Variants in STIM1 observed in about 807,000 individuals in gnomAD.
STIM1 encodes stromal interaction molecule 1.
In STIM1, 25 loss-of-function variants were observed where a neutral mutation model predicts 74.7. The observed-to-expected ratio is 0.33, with a 90% confidence interval of 0.24 to 0.47. The LOEUF is 0.47. STIM1 is among the 20% of genes least tolerant of loss of function. The pLI, the probability that STIM1 is intolerant of heterozygous loss-of-function variation, is 1.00. For synonymous variants in STIM1, 328 were observed against 348.8 expected (o/e 0.94, Z 0.66); for missense variants, 728 against 920.8 (o/e 0.79, Z 2.71).
chr11:3,953,282 G>A (rs2093170527), intron 1 of STIM1, among the ~76,000 whole-genome samples: 1 of 152,198 alleles, frequency 6.6e-6, no homozygotes, highest in East Asian at 1.9e-4. Flanking sequence ...GTTTCAGGAG[G>A]TTGAACACTA....
intron 2 of STIM1, among the ~76,000 whole-genome samples, chr11:4,014,255 G>T (rs932980205): frequency 1.3e-5 from 2 of 152,088 alleles, no homozygotes; most frequent in African/African-American, 2.4e-5. Flanking sequence ...TTGTGTCTTT[G>T]TTCTCATTGG....
intron 5 of STIM1, among the ~76,000 whole-genome samples, chr11:4,068,850 T>C (rs573263323): frequency 6.6e-6 from 1 of 152,354 alleles, no homozygotes; most frequent in South Asian, 2.1e-4. Context: ...TGGTTTCTTT[T>C]TCTGGTGTCT....
rs564168076 is a variant in STIM1, at chr11:4,017,500, A to G, written c.271-6373A>G. On this transcript the variant is annotated intron_variant, in intron 2 of 12. Transcript: ENST00000526596. ...TACCTCGGTGATCAGACTTGACTATAAAAATGAGTCTATTTCTTGTTGATT... is the reference window on the plus strand; with the variant it reads ...TACCTCGGTGATCAGACTTGACTATGAAAATGAGTCTATTTCTTGTTGATT... 2.3e-3 allele frequency among the ~76,000 whole-genome samples: 356 copies of G among 152,262 alleles called. 2 individuals are homozygous for G. The highest frequency in any genetic ancestry group is 8.4e-3 in the African/African-American group (349 of 41,542).
chr11:3,892,483 G>T, intron 1 of STIM1: 1 of 1,525,124 alleles, frequency 6.6e-7, no homozygotes, highest in Non-Finnish European at 9.1e-7. Flanking sequence ...CAATATTCAT[G>T]CCTTCTTTCG....
At chr11:4,052,351 C>T (rs1376208443) in intron 3 of STIM1, among the ~76,000 whole-genome samples, 1 of 152,166 alleles carries the variant, frequency 6.6e-6, no homozygotes, top group Non-Finnish European at 1.5e-5. Flanking sequence ...TACAAGGCTA[C>T]AGTAACCAAA....
chr11:3,979,958 C>A (rs761572231), intron 2 of STIM1, among the ~76,000 whole-genome samples: 2 of 152,128 alleles, frequency 1.3e-5, no homozygotes, highest in Non-Finnish European at 2.9e-5. Flanking sequence ...TTTATATGAA[C>A]CTTCCCTGAC....
intron 1 of STIM1, among the ~76,000 whole-genome samples, chr11:3,944,166 C>G (rs1434482747): frequency 6.6e-6 from 1 of 152,230 alleles, no homozygotes; most frequent in East Asian, 1.9e-4. Flanking sequence ...GGGCCTTAGG[C>G]TGGGGCCAAA....
intron 3 of STIM1, among the ~76,000 whole-genome samples, chr11:4,048,826 C>T (rs975391394): frequency 6.6e-6 from 1 of 151,962 alleles, no homozygotes; most frequent in Non-Finnish European, 1.5e-5. Flanking sequence ...CTCCACCTCC[C>T]GAGTTCAAGC....
chr11:4,074,564 A>T lies in STIM1; in HGVS notation c.854A>T (p.Lys285Met), dbSNP rs781644310. The change falls in exon 7 of 13, where the codon AAG becomes ATG. Residue 285 changes from lysine (K) to methionine (M), a missense_variant. Lys to Met is a moderately conservative substitution (Grantham distance 95). Around this residue, in one of 5 missense-constraint regions of STIM1, gnomAD observed 131 missense variants for 235.9 expected, o/e 0.56. Coordinates refer to ENST00000526596, the MANE Select transcript of STIM1 (RefSeq NM_001382567.1). ...VEVEKVHLEK[K>M]LRDEINLAKQ... Reference sequence around the variant, plus strand: ...GTGGAGAAGGTCCATCTGGAAAAGAAGCTGCGCGATGAGATCAACCTTGCT... The same window carrying T: ...GTGGAGAAGGTCCATCTGGAAAAGATGCTGCGCGATGAGATCAACCTTGCT... The T allele has an allele frequency of 6.2e-7, 1 of 1,614,038 alleles. No individual in the cohort carries two copies. Among genetic ancestry groups the T allele is most frequent in the Admixed American group, 1.7e-5 (1 of 60,002 alleles).
chr11:4,052,042 C>T (rs1452433779), intron 3 of STIM1, among the ~76,000 whole-genome samples: 2 of 152,182 alleles, frequency 1.3e-5, no homozygotes, highest in Admixed American at 1.3e-4. Flanking sequence ...AGGAATCCAA[C>T]TTACAAGGGA....
At chr11:4,006,034 G>T (rs1323920477) in intron 2 of STIM1, among the ~76,000 whole-genome samples, 2 of 152,194 alleles carry the variant, frequency 1.3e-5, no homozygotes, top group Non-Finnish European at 2.9e-5. Flanking sequence ...ATATGGCTTG[G>T]TTCTGTGTCC....
At chr11:3,994,691 C>A (rs555467127) in intron 2 of STIM1, among the ~76,000 whole-genome samples, 19 of 152,124 alleles carry the variant, frequency 1.2e-4, no homozygotes, top group South Asian at 1.0e-3. Context: ...AACTCCTGGC[C>A]CCAAGCAATC....
At chr11:4,011,535 G>A (rs1321219713) in intron 2 of STIM1, among the ~76,000 whole-genome samples, 1 of 152,164 alleles carries the variant, frequency 6.6e-6, no homozygotes, top group African/African-American at 2.4e-5. Flanking sequence ...TTTGAGAAGT[G>A]TCTGTTCATA....
At chr11:4,075,590 C>G (rs1310198680) in intron 7 of STIM1, among the ~76,000 whole-genome samples, 1 of 152,154 alleles carries the variant, frequency 6.6e-6, no homozygotes, top group Non-Finnish European at 1.5e-5. Flanking sequence ...GAGTAATAAT[C>G]TATTGTATGA....
intron 1 of STIM1, among the ~76,000 whole-genome samples, chr11:3,957,564 A>T (rs1275737095): frequency 6.6e-6 from 1 of 151,592 alleles, no homozygotes; most frequent in South Asian, 2.1e-4. Context: ...GCCTATTATT[A>T]TTATTAATGT....
At chr11:4,078,990 T>C (rs1220279233) in intron 7 of STIM1, among the ~76,000 whole-genome samples, 1 of 152,108 alleles carries the variant, frequency 6.6e-6, no homozygotes, top group Non-Finnish European at 1.5e-5. Flanking sequence ...TATTTATTAA[T>C]TCATTTAAAA....
At chr11:3,905,667 C>T (rs1170129139) in intron 1 of STIM1, among the ~76,000 whole-genome samples, 1 of 152,152 alleles carries the variant, frequency 6.6e-6, no homozygotes, top group African/African-American at 2.4e-5. Context: ...CACCACAGTT[C>T]CCAGAAGTGA....
chr11:4,078,008 G>A (rs1005112010), intron 7 of STIM1, among the ~76,000 whole-genome samples: 1 of 151,976 alleles, frequency 6.6e-6, no homozygotes, highest in African/African-American at 2.4e-5. Flanking sequence ...GATCATTTAT[G>A]GGACTGCTTA....
chr11:3,921,164 C>T (rs1454723792), intron 1 of STIM1, among the ~76,000 whole-genome samples: 2 of 152,020 alleles, frequency 1.3e-5, no homozygotes, highest in Non-Finnish European at 2.9e-5. Context: ...ATTAGTCTGC[C>T]CCTGTAAAAC....
Sources: gnomAD v4.1 joint callset for allele counts (sites outside exome capture counted in the v4.1 genomes callset) on GRCh38, gnomAD v4.1.1 for gene constraint, gnomAD v4.1.1 regional missense constraint, MANE v1.5 for transcripts, NCBI Gene and HGNC (gene_info 2026-07-23, HGNC 2026-07-21) for gene names.